DENND5B: variants seen among roughly 807,000 people sequenced by gnomAD.
DENND5B encodes DENN domain containing 5B.
Under a neutral mutation model 140.6 loss-of-function variants are expected in DENND5B, and 34 were observed. The ratio of observed to expected loss-of-function variants is 0.24; its 90% confidence interval spans 0.18 to 0.32. The LOEUF (loss-of-function observed/expected upper bound fraction) is 0.32, where lower values mean the gene tolerates loss of function less well. Among genes scored for constraint, DENND5B ranks in the 10% least tolerant of loss-of-function variants. The pLI is 1.00. For synonymous variants in DENND5B, 551 were observed against 562.1 expected, an observed-to-expected ratio of 0.98 and a Z score of 0.28; for missense variants, 1,142 against 1,560.2, an observed-to-expected ratio of 0.73 and a Z score of 4.52.
intron 4 of DENND5B, among the ~76,000 whole-genome samples, chr12:31,454,417 G>A (rs1273517618): frequency 6.6e-6 from 1 of 152,094 alleles, no homozygotes; most frequent in African/African-American, 2.4e-5. Flanking sequence ...GCATCTTGCT[G>A]AAGACAGTAG....
At chr12:31,515,752 C>T (rs1177480911) in intron 1 of DENND5B, among the ~76,000 whole-genome samples, 4 of 152,170 alleles carry the variant, frequency 2.6e-5, no homozygotes, top group African/African-American at 9.7e-5. Context: ...ACTAGTAACA[C>T]AATATTACTG....
At chr12:31,438,698 C>G (rs573914245) in intron 7 of DENND5B, among the ~76,000 whole-genome samples, 59 of 152,144 alleles carry the variant, frequency 3.9e-4, no homozygotes, top group African/African-American at 1.4e-3. Flanking sequence ...GTACAAAGAC[C>G]TGGGTGTAGA....
chr12:31,557,899 A>G (rs1949351788), intron 1 of DENND5B, among the ~76,000 whole-genome samples: 1 of 151,718 alleles, frequency 6.6e-6, no homozygotes, highest in Non-Finnish European at 1.5e-5. Context: ...AGCTGCTCTG[A>G]AGTCTCCCAA....
In DENND5B at chr12:31,479,966, T is replaced by C. The variant is rs749464030; in HGVS notation, c.527A>G (p.Tyr176Cys). The change falls in exon 3 of 21, where the codon TAC becomes TGC. Residue 176 changes from tyrosine to cysteine, a missense_variant. By Grantham distance (194) the Tyr-to-Cys change is radical (BLOSUM62 -2). Around this residue, in one of 5 missense-constraint regions of DENND5B, gnomAD observed 708 missense variants for 905.5 expected, o/e 0.78. Coordinates refer to ENST00000389082, the MANE Select transcript of DENND5B (RefSeq NM_144973.4). ...GTCTCTGCTAATATCATAGGAGTTG[T>C]ATCGCTGGAGTTTCAAAAGGGAAGT... ...DTTSLLKLQR[Y>C]NSYDISRDTL... 31 of 1,614,046 alleles carry C rather than the reference T, an allele frequency of 1.9e-5. No homozygotes were observed. The highest frequency in any genetic ancestry group is 2.6e-5 in the Non-Finnish European group (31 of 1,179,876).
intron 1 of DENND5B, among the ~76,000 whole-genome samples, chr12:31,573,873 T>G (rs1240146293): frequency 1.3e-5 from 2 of 151,938 alleles, no homozygotes; most frequent in East Asian, 3.9e-4. Context: ...GAAGATCCCT[T>G]GAGCCCAGGA....
intron 3 of DENND5B, among the ~76,000 whole-genome samples, chr12:31,467,577 C>T (rs1945332204): frequency 6.6e-6 from 1 of 152,098 alleles, no homozygotes; most frequent in South Asian, 2.1e-4. Flanking sequence ...AGTTCAGTCG[C>T]ATCACTGCAC....
In DENND5B at chr12:31,478,613, A is replaced by G. The variant is rs141530819; in HGVS notation, c.904+976T>C. On this transcript the variant is annotated intron_variant, in intron 3 of 20. Coordinates refer to ENST00000389082, the MANE Select transcript of DENND5B (RefSeq NM_144973.4). Reference sequence around the variant, plus strand: ...CTACTCAGGAGGGTGAGGTGGGAAGACAGCTTGAGCACGGGATGTCAAGGT... The same window carrying G: ...CTACTCAGGAGGGTGAGGTGGGAAGGCAGCTTGAGCACGGGATGTCAAGGT... 4.1e-3 allele frequency among the ~76,000 whole-genome samples: 626 copies of G among 152,224 alleles called. 4 individuals carry two copies. Among genetic ancestry groups the G allele is most frequent in the African/African-American group, 0.014 (571 of 41,530 alleles).
intron 1 of DENND5B, among the ~76,000 whole-genome samples, chr12:31,524,887 T>C (rs1244845359): frequency 1.3e-5 from 2 of 152,184 alleles, no homozygotes; most frequent in Admixed American, 1.3e-4. Context: ...CCTTTGTCCC[T>C]GTTCTCTTGC....
intron 12 of DENND5B, among the ~76,000 whole-genome samples, chr12:31,413,877 T>A (rs567669116): frequency 6.6e-6 from 1 of 152,342 alleles, no homozygotes; most frequent in South Asian, 2.1e-4. Flanking sequence ...AGAATTTGGT[T>A]ATTCCTGATG....
At chr12:31,407,113 T>A (rs916217212) in intron 14 of DENND5B, among the ~76,000 whole-genome samples, 1 of 151,550 alleles carries the variant, frequency 6.6e-6, no homozygotes, top group Non-Finnish European at 1.5e-5. Flanking sequence ...TCGATTTAAT[T>A]AAATTAATTA....
Position 31,403,390 on chromosome 12 carries a change from C to CT in DENND5B, c.2804-748dup, listed in dbSNP as rs11340235. 1.1e-3 allele frequency among the ~76,000 whole-genome samples: 161 copies of CT among 140,732 alleles called. 1 individual carries two copies. Among genetic ancestry groups the CT allele is most frequent in the African/African-American group, 2.4e-3 (92 of 38,662 alleles). The allele number at this position is 140,732 out of a possible 152,430, so 92.3% of individuals were successfully genotyped here. On this transcript the variant is annotated intron_variant, in intron 14 of 20. Coordinates refer to ENST00000389082, the MANE Select transcript of DENND5B (RefSeq NM_144973.4). ...TGCATGTCCTCCCTTCTTTTTTTTTCTTTTTTTTTTTTGCCAACATGGCAA... is the reference window on the plus strand; with the variant it reads ...TGCATGTCCTCCCTTCTTTTTTTTTCTTTTTTTTTTTTTGCCAACATGGCAA...
chr12:31,417,259 A>C (rs550764553), intron 11 of DENND5B, among the ~76,000 whole-genome samples: 1 of 147,566 alleles, frequency 6.8e-6, no homozygotes, highest in South Asian at 2.2e-4. Flanking sequence ...CGGGAGGCTG[A>C]GGCAAGACAA....
intron 8 of DENND5B, among the ~76,000 whole-genome samples, chr12:31,429,242 C>T (rs1007046257): frequency 2.0e-5 from 3 of 151,830 alleles, no homozygotes; most frequent in Admixed American, 1.3e-4. Context: ...CTCCTGACCT[C>T]GTGATCTGCC....
chr12:31,453,062 T>A (rs1214914729), intron 4 of DENND5B, among the ~76,000 whole-genome samples: 3 of 152,166 alleles, frequency 2.0e-5, no homozygotes, highest in African/African-American at 4.8e-5. Context: ...AGCTGTAGTA[T>A]CTCCCAATAG....
At chr12:31,545,711 TGG>T (rs1948831924) in intron 1 of DENND5B, among the ~76,000 whole-genome samples, 2 of 152,122 alleles carry the variant, frequency 1.3e-5, no homozygotes, top group South Asian at 4.1e-4. Context: ...CCCAGCACTT[TGG>T]GAGGCTAAGC....
At chr12:31,529,099 G>C (rs1357122140) in intron 1 of DENND5B, among the ~76,000 whole-genome samples, 2 of 148,432 alleles carry the variant, frequency 1.3e-5, no homozygotes, top group African/African-American at 5.0e-5. Flanking sequence ...GGAGGCGGAG[G>C]TTGCAGTGAG....
intron 4 of DENND5B, among the ~76,000 whole-genome samples, chr12:31,454,567 C>T (rs7134098): frequency 0.15 from 22,608 of 151,644 alleles, 1,888 homozygotes; most frequent in East Asian, 0.25. Flanking sequence ...CTCAGCCTCC[C>T]GCGTAGCTGG....
intron 17 of DENND5B, 107 bp from the exon 18 acceptor site, chr12:31,392,803 G>C: frequency 8.9e-7 from 1 of 1,122,694 alleles, no homozygotes; most frequent in Non-Finnish European, 1.2e-6. Flanking sequence ...CATCAGAGCA[G>C]GCTGGCTTTG....
rs141005091 is a variant in DENND5B, at chr12:31,485,482, A to G, written c.238-5227T>C. On this transcript the variant is annotated intron_variant, in intron 2 of 20. Transcript: ENST00000389082. The stretch of plus-strand genomic sequence containing the variant: ...ATTGTAATGGTTCTTATTTTGATTA[A>G]TAAGGATGTGCTTGAGCCTAGTTAT... 1.3e-3 allele frequency among the ~76,000 whole-genome samples: 198 copies of G among 152,364 alleles called. 1 individual carries two copies. Among genetic ancestry groups the G allele is most frequent in the African/African-American group, 4.6e-3 (193 of 41,574 alleles).
Sources: gnomAD v4.1 joint callset for allele counts (sites outside exome capture counted in the v4.1 genomes callset) on GRCh38, gnomAD v4.1.1 for gene constraint, gnomAD v4.1.1 regional missense constraint, MANE v1.5 for transcripts, NCBI Gene and HGNC (gene_info 2026-07-23, HGNC 2026-07-21) for gene names.